The following CALHM2 variants were observed in gnomAD, a reference collection of about 807,000 sequenced individuals.
CALHM2 encodes calcium homeostasis modulator protein 2.
CALHM2 carries 18 observed loss-of-function variants against 20.4 expected under a neutral mutation model. The ratio of observed to expected loss-of-function variants is 0.88; its 90% CI spans 0.61 to 1.31. The LOEUF is 1.31. Among genes scored for constraint, CALHM2 ranks in the 50% most tolerant of loss-of-function variants. CALHM2 has a pLI of 0.00. For missense variants in CALHM2, 411 were observed against 435.7 expected (o/e 0.94, Z 0.50); for synonymous variants, 193 against 192.1 (o/e 1.00, Z -0.04).
At chr10:103,451,676 A>G (rs1256149370) in intron 1 of CALHM2, 1 of 38,880 alleles carries the variant, frequency 2.6e-5, no homozygotes, top group Non-Finnish European at 6.2e-5. Context: ...GAGGAGGAGG[A>G]GTCTGATTCT....
intron 1 of CALHM2, chr10:103,451,583 TG>T (rs1488303906): frequency 6.6e-6 from 1 of 151,488 alleles, no homozygotes; most frequent in Non-Finnish European, 1.5e-5. Flanking sequence ...GGCAGAGCCA[TG>T]TGGCCATGCA....
chr10:103,449,614 C>T lies in CALHM2; in HGVS notation c.328G>A (p.Ala110Thr). The change falls in exon 3 of 4, where the codon GCG becomes ACG. Residue 110 changes from alanine to threonine, a missense_variant. Coordinates refer to ENST00000260743, the MANE Select transcript of CALHM2 (RefSeq NM_015916.5). ...FLLLSSILGR[A>T]AVAPVTWSVI... is the part of the protein sequence containing the mutation. ...GACCAGGTGACAGGGGCCACAGCCG[C>T]ACGTCCCAGGATGGAGCTTAGAAGG... is the stretch of plus-strand genomic sequence containing the variant. 1.2e-6 allele frequency: 2 copies of T among 1,613,914 alleles called. No individual in the cohort carries two copies. The highest frequency in any genetic ancestry group is 1.7e-6 in the Non-Finnish European group (2 of 1,180,042).
rs765837784 is a variant in CALHM2 at position 103,449,594 on chromosome 10, G to T, written c.348C>A (p.Thr116=). The T allele has an allele frequency of 3.1e-6, 5 of 1,613,866 alleles. No homozygotes were observed. The Admixed American group carries it at 8.3e-5, about 27-fold the overall frequency. The change falls in exon 3 of 4, where the codon ACC becomes ACA. Residue 116 remains threonine (T), a synonymous_variant. Transcript: ENST00000260743. Reference sequence around the variant, plus strand: ...CACGCAGCAGGGAGATGACAGACCAGGTGACAGGGGCCACAGCCGCACGTC... The same window carrying T: ...CACGCAGCAGGGAGATGACAGACCATGTGACAGGGGCCACAGCCGCACGTC... ...ILGRAAVAPV[T]WSVISLLRGE...
At chr10:103,448,451 T>C (rs1206958345) in intron 3 of CALHM2, among the ~76,000 whole-genome samples, 1 of 151,956 alleles carries the variant, frequency 6.6e-6, no homozygotes, top group Non-Finnish European at 1.5e-5. Context: ...AGCCTCTGTT[T>C]ACATTTCTTA....
rs201203586 is a variant in CALHM2 at position 103,449,812 on chromosome 10, A to G, written c.130T>C (p.Phe44Leu). The change falls in exon 3 of 4, where the codon TTC becomes CTC. Residue 44 changes from phenylalanine to leucine, a missense_variant. Transcript: ENST00000260743. ...GSQELFSVVA[F>L]HCPCSPARNY... Reference sequence around the variant, plus strand: ...CGGGCCGGCGAGCAGGGGCAGTGGAAGGCCACCACAGAGAACAGCTCCTGG... The same window carrying G: ...CGGGCCGGCGAGCAGGGGCAGTGGAGGGCCACCACAGAGAACAGCTCCTGG... 1.2e-6 allele frequency: 2 copies of G among 1,613,380 alleles called. No individual in the cohort carries two copies.
At chr10:103,447,643 G>A in intron 3 of CALHM2, 75 bp from the exon 4 acceptor site, 1 of 1,309,350 alleles carries the variant, frequency 7.6e-7, no homozygotes, top group Non-Finnish European at 1.0e-6. Flanking sequence ...GAATGGAAAA[G>A]GAGCAAGTTC....
Position 103,447,411 on chromosome 10 carries a change from T to C in CALHM2, c.713A>G (p.His238Arg). The change falls in exon 4 of 4, where the codon CAC becomes CGC. Residue 238 changes from histidine to arginine, a missense_variant. Transcript: ENST00000260743. ...DQLFQRTAEVHSRVLAANNVR... is the reference protein window; with the variant it reads ...DQLFQRTAEVRSRVLAANNVR... ...ATTGTTGGCAGCGAGCACCCGAGAGTGCACCTCGGCCGTGCGCTGGAACAG... is the reference window on the plus strand; with the variant it reads ...ATTGTTGGCAGCGAGCACCCGAGAGCGCACCTCGGCCGTGCGCTGGAACAG... 1 of 1,614,040 alleles carries C rather than the reference T, an allele frequency of 6.2e-7. No homozygotes were observed. Among genetic ancestry groups the C allele is most frequent in the Non-Finnish European group, 8.5e-7 (1 of 1,179,986 alleles).
intron 2 of CALHM2, chr10:103,450,448 G>A (rs1041990990): frequency 1.1e-5 from 2 of 179,770 alleles, no homozygotes; most frequent in Admixed American, 5.3e-5. Flanking sequence ...GTAGGGCTTG[G>A]GGGTGGCCCA....
In CALHM2 at chr10:103,447,278, G is replaced by A. The variant is rs372834956; in HGVS notation, c.846C>T (p.Thr282=). 342 of 1,614,244 alleles carry A rather than the reference G, an allele frequency of 2.1e-4. 3 individuals are homozygous for A. In the South Asian group the frequency reaches 2.3e-3, roughly 11 times the overall value. ...TQPRPQWNAI[T]GVYLYRENQG... ...GGTTCTCACGGTACAAGTAGACGCC[G>A]GTGATGGCATTCCACTGTGGCCGTG... Residue 282 remains threonine (T), a synonymous_variant, in exon 4 of 4, where the codon ACC becomes ACT. Coordinates refer to ENST00000260743, the MANE Select transcript of CALHM2 (RefSeq NM_015916.5).
At chr10:103,449,010 G>A (rs2133788872) in intron 3 of CALHM2, among the ~76,000 whole-genome samples, 1 of 152,300 alleles carries the variant, frequency 6.6e-6, no homozygotes, top group Admixed American at 6.5e-5. Flanking sequence ...GGATAGGAAT[G>A]TGTTCATCCC....
In CALHM2 at chr10:103,449,867, G is replaced by A. The variant is rs151104032; in HGVS notation, c.75C>T (p.Asn25=). The part of the protein sequence containing the change: ...FFKSKDVMIF[N]GLVALGTVGS... ...CCACCGTGCCCAGTGCCACCAGGCCGTTGAAAATCATCACATCCTTGCTCT... is the reference window on the plus strand; with the variant it reads ...CCACCGTGCCCAGTGCCACCAGGCCATTGAAAATCATCACATCCTTGCTCT... The change falls in exon 3 of 4, where the codon AAC becomes AAT. Residue 25 remains asparagine, a synonymous_variant. Transcript: ENST00000260743. The A allele has an allele frequency of 5.3e-5, 86 of 1,613,284 alleles. No homozygotes were observed. The highest frequency in any genetic ancestry group is 1.5e-4 in the Admixed American group (9 of 60,026).
rs547921945 is a variant in CALHM2, at chr10:103,447,619, C to CT, written c.556-52dup. 1,597 of 1,467,106 alleles carry CT rather than the reference C, an allele frequency of 1.1e-3. 2 individuals are homozygous for CT. Among genetic ancestry groups the CT allele is most frequent in the South Asian group, 1.6e-3 (120 of 73,096 alleles). 90.9% of individuals were successfully genotyped at this position (1,467,106 alleles called of 1,614,324 possible). ...GGAGGGGCGAGGAACTGCCTAAGCC[C>CT]TACCCCCCAGAGCGAATGGAAAAGG... On this transcript the variant is annotated intron_variant, in intron 3 of 3. Coordinates refer to ENST00000260743, the MANE Select transcript of CALHM2 (RefSeq NM_015916.5).
chr10:103,448,033 G>A (rs2032755035), intron 3 of CALHM2, among the ~76,000 whole-genome samples: 1 of 152,232 alleles, frequency 6.6e-6, no homozygotes, highest in Admixed American at 6.5e-5. Flanking sequence ...CCTGTACAGA[G>A]ATCTGGGGGC....
Position 103,450,039 on chromosome 10 carries a change from C to A in CALHM2, c.-98G>T. ...CTAGGAAGGGGCACAGGCTGGGAGG[C>A]GCTGGACGGCAGGGTGTGGTTGTGC... On this transcript the variant is annotated 5_prime_UTR_variant, in exon 3 of 4. Transcript: ENST00000260743. 1 of 1,115,708 alleles carries A rather than the reference C, an allele frequency of 9.0e-7. No homozygotes were observed. Among genetic ancestry groups the A allele is most frequent in the Non-Finnish European group, 1.3e-6 (1 of 768,518 alleles). 69.1% of individuals were successfully genotyped at this position (1,115,708 alleles called of 1,614,324 possible). A position where few individuals can be genotyped will look rare whatever the true frequency, so the allele number is the denominator to read the frequency against.
In CALHM2 at chr10:103,447,522, AG is replaced by A. The variant is rs749648924; in HGVS notation, c.601del (p.Leu201Ter). On this transcript the variant is annotated frameshift_variant, in exon 4 of 4. Transcript: ENST00000260743. LOFTEE classifies it high-confidence loss of function. ...LIGVVAILVF[L>X]TKCLKHYCSP... ...GCAGTAATGCTTGAGGCACTTGGTC[AG>A]GAACACCAGGATGGCCACCACGCCG... 2 of 1,609,244 alleles carry A rather than the reference AG, an allele frequency of 1.2e-6. No homozygotes were observed. The highest frequency in any genetic ancestry group is 3.3e-5 in the Admixed American group (2 of 59,748).
chr10:103,449,348 C>G, intron 3 of CALHM2, 39 bp downstream of exon 3: 1 of 1,574,208 alleles, frequency 6.4e-7, no homozygotes. Flanking sequence ...CACCAGCCAC[C>G]ACTAGGGAAG....
At position 103,449,833 on chromosome 10, in the gene CALHM2, C is replaced by G; in HGVS notation, c.109G>C (p.Glu37Gln). The G allele has an allele frequency of 6.2e-7, 1 of 1,613,316 alleles. No homozygotes were observed. Among genetic ancestry groups the G allele is most frequent in the Non-Finnish European group, 8.5e-7 (1 of 1,180,008 alleles). Residue 37 changes from glutamate to glutamine, a missense_variant, in exon 3 of 4, where the codon GAG (glutamate) becomes CAG (glutamine). Transcript: ENST00000260743. ...TGGAAGGCCACCACAGAGAACAGCTCCTGGCTGCCCACCGTGCCCAGTGCC... is the reference window on the plus strand; with the variant it reads ...TGGAAGGCCACCACAGAGAACAGCTGCTGGCTGCCCACCGTGCCCAGTGCC... ...LVALGTVGSQELFSVVAFHCP... is the reference protein window; with the variant it reads ...LVALGTVGSQQLFSVVAFHCP...
chr10:103,449,913 C>A lies in CALHM2; in HGVS notation c.29G>T (p.Arg10Leu). 6.2e-7 allele frequency: 1 copy of A among 1,612,078 alleles called. No homozygotes were observed. Among genetic ancestry groups the A allele is most frequent in the South Asian group, 1.1e-5 (1 of 91,040 alleles). Residue 10 changes from arginine (R) to leucine (L), a missense_variant, in exon 3 of 4, where the codon CGC becomes CTC. Arg to Leu is a moderately radical substitution (Grantham distance 102). Coordinates refer to ENST00000260743, the MANE Select transcript of CALHM2 (RefSeq NM_015916.5). ...GCTCTTGAAGAAAAGTGACAGGAAGCGGAAGTTCTCTGCGATCAGGGCTGC... is the reference window on the plus strand; with the variant it reads ...GCTCTTGAAGAAAAGTGACAGGAAGAGGAAGTTCTCTGCGATCAGGGCTGC... MAALIAENFRFLSLFFKSKD... is the reference protein window; with the variant it reads MAALIAENFLFLSLFFKSKD...
At chr10:103,450,334 G>T in intron 2 of CALHM2, 1 of 214,960 alleles carries the variant, frequency 4.7e-6, no homozygotes, top group Non-Finnish European at 9.4e-6. Context: ...TCCTGAGGAC[G>T]AGTGGCTCGC....
Sources: allele counts gnomAD v4.1 joint callset (sites outside exome capture counted in the v4.1 genomes callset), GRCh38; gene constraint gnomAD v4.1.1; transcripts MANE v1.5; gene names NCBI Gene and HGNC (gene_info 2026-07-23, HGNC 2026-07-21).